Variants in ALOX5 observed in about 807,000 individuals in gnomAD.
ALOX5 encodes arachidonate 5-lipoxygenase.
Under a neutral mutation model 87.9 loss-of-function variants are expected in ALOX5, and 64 were observed. The observed-to-expected ratio is 0.73, with a 90% CI of 0.60 to 0.90. ALOX5 has a LOEUF of 0.90. Ranked by LOEUF, ALOX5 falls within the 40% of genes least tolerant of loss-of-function variation. The pLI, the probability that ALOX5 is intolerant of heterozygous loss-of-function variation, is 0.00. For missense variants in ALOX5, 822 were observed against 907.5 expected, an observed-to-expected ratio of 0.91 and a Z score of 1.21; for synonymous variants, 388 against 355.1, an observed-to-expected ratio of 1.09 and a Z score of -1.04.
intron 7 of ALOX5, among the ~76,000 whole-genome samples, chr10:45,433,234 T>C (rs1564444770): frequency 6.6e-6 from 1 of 152,156 alleles, no homozygotes; most frequent in African/African-American, 2.4e-5. Context: ...CTGGTGGGCC[T>C]GGGCAGCCCA....
At chr10:45,400,212 T>C (rs1242868636) in intron 3 of ALOX5, among the ~76,000 whole-genome samples, 1 of 152,210 alleles carries the variant, frequency 6.6e-6, no homozygotes, top group Non-Finnish European at 1.5e-5. Flanking sequence ...TTGTTCACAA[T>C]AGTCAAAAAG....
chr10:45,388,152 T>C (rs1222505652), intron 2 of ALOX5, among the ~76,000 whole-genome samples: 1 of 152,212 alleles, frequency 6.6e-6, no homozygotes, highest in Non-Finnish European at 1.5e-5. Context: ...CATGTCTGGC[T>C]CGGAGGGTCC....
At chr10:45,390,244 A>G (rs944586496) in intron 2 of ALOX5, among the ~76,000 whole-genome samples, 1 of 152,210 alleles carries the variant, frequency 6.6e-6, no homozygotes, top group Non-Finnish European at 1.5e-5. Context: ...TAATAATGAG[A>G]GACTTTAACA....
chr10:45,395,708 A>T, intron 2 of ALOX5, 147 bp from the exon 3 acceptor site: 1 of 636,942 alleles, frequency 1.6e-6, no homozygotes. Context: ...TTCATCATTA[A>T]TTGGGGAAGT....
intron 3 of ALOX5, among the ~76,000 whole-genome samples, chr10:45,400,556 G>A (rs896784188): frequency 3.3e-5 from 5 of 152,062 alleles, no homozygotes; most frequent in East Asian, 1.9e-4. Flanking sequence ...CCTAGATCCC[G>A]CCACTGCACT....
intron 3 of ALOX5, among the ~76,000 whole-genome samples, chr10:45,406,310 C>A (rs576105957): frequency 3.6e-4 from 55 of 152,162 alleles, no homozygotes; most frequent in Non-Finnish European, 6.8e-4. Context: ...TCTGTTTCCG[C>A]ACTTTATGTG....
chr10:45,388,473 G>A (rs1029717909), intron 2 of ALOX5, among the ~76,000 whole-genome samples: 3 of 152,200 alleles, frequency 2.0e-5, no homozygotes, highest in African/African-American at 7.2e-5. Context: ...ACATGGCCAG[G>A]TACACCTCTG....
chr10:45,382,742 T>C, intron 2 of ALOX5, 61 bp downstream of exon 2: 2 of 1,547,286 alleles, frequency 1.3e-6, no homozygotes, highest in Non-Finnish European at 1.8e-6. Context: ...CTTCCTGTCC[T>C]CAAAGCACTG....
chr10:45,376,442 C>T (rs1839617003), intron 1 of ALOX5, among the ~76,000 whole-genome samples: 1 of 152,174 alleles, frequency 6.6e-6, no homozygotes. Context: ...TGCAAAGTTA[C>T]TCAACACTTT....
chr10:45,441,672 C>G (rs1842240004), intron 9 of ALOX5: 1 of 494,392 alleles, frequency 2.0e-6, no homozygotes, highest in Non-Finnish European at 3.6e-6. Flanking sequence ...CTCCTCCCAC[C>G]CCTCCCCTCT....
rs1405098106 is a variant in ALOX5 at position 45,387,311 on chromosome 10, G to A, written c.349+4630G>A. Among the ~76,000 whole-genome samples the A allele has an allele frequency of 3.3e-5, 5 of 152,210 alleles. No homozygotes were observed. In the South Asian group the frequency reaches 8.3e-4, roughly 25 times the overall value. Reference sequence around the variant, plus strand: ...CGACAGGAAACCGGGTTGTGTCATCGTCACACATTTCTCCATGAAACAATG... The same window carrying A: ...CGACAGGAAACCGGGTTGTGTCATCATCACACATTTCTCCATGAAACAATG... On this transcript the variant is annotated intron_variant, in intron 2 of 13. Coordinates refer to ENST00000374391, the MANE Select transcript of ALOX5 (RefSeq NM_000698.5).
intron 7 of ALOX5, among the ~76,000 whole-genome samples, chr10:45,436,792 ATGT>A (rs774793295): frequency 3.3e-5 from 5 of 152,036 alleles, no homozygotes; most frequent in Admixed American, 1.3e-4. Flanking sequence ...GTGAAAAATG[ATGT>A]TGATAATTTG....
Position 45,435,980 on chromosome 10 carries a change from G to A in ALOX5, c.982-4450G>A, listed in dbSNP as rs117316662. Among the ~76,000 whole-genome samples the A allele has an allele frequency of 3.8e-3, 582 of 152,270 alleles. 12 individuals carry two copies. The East Asian group carries it at 0.053, about 14-fold the overall frequency. Reference sequence around the variant, plus strand: ...TTTTTAATAATAGCCATTCTGACTGGTATCCCTTTGTGGTTTTAATTTGCA... The same window carrying A: ...TTTTTAATAATAGCCATTCTGACTGATATCCCTTTGTGGTTTTAATTTGCA... On this transcript the variant is annotated intron_variant, in intron 7 of 13. Coordinates refer to ENST00000374391, the MANE Select transcript of ALOX5 (RefSeq NM_000698.5).
intron 1 of ALOX5, among the ~76,000 whole-genome samples, chr10:45,378,026 G>A (rs1233071383): frequency 6.6e-6 from 1 of 152,004 alleles, no homozygotes; most frequent in Non-Finnish European, 1.5e-5. Context: ...TCTGTCCCCA[G>A]AAACTGTGTC....
intron 1 of ALOX5, among the ~76,000 whole-genome samples, chr10:45,381,986 C>T (rs552938029): frequency 6.6e-6 from 1 of 152,350 alleles, no homozygotes; most frequent in Admixed American, 6.5e-5. Flanking sequence ...GATTCATGGG[C>T]GAAAGCCTAC....
At chr10:45,377,595 T>A (rs1839667104) in intron 1 of ALOX5, among the ~76,000 whole-genome samples, 1 of 151,810 alleles carries the variant, frequency 6.6e-6, no homozygotes, top group African/African-American at 2.4e-5. Flanking sequence ...TTTCCTCAGC[T>A]CTTCCCCATA....
At chr10:45,420,245 C>T (rs117272563) in intron 4 of ALOX5, among the ~76,000 whole-genome samples, 43 of 152,160 alleles carry the variant, frequency 2.8e-4, no homozygotes, top group Admixed American at 1.1e-3. Context: ...GGGATGTGTC[C>T]CATTGTAAAA....
intron 3 of ALOX5, among the ~76,000 whole-genome samples, chr10:45,408,726 G>T (rs1220961579): frequency 6.6e-6 from 1 of 152,114 alleles, no homozygotes; most frequent in East Asian, 1.9e-4. Flanking sequence ...ACTTTGGAAT[G>T]CCCTTGGCCA....
At chr10:45,429,038 C>T (rs568525956) in intron 7 of ALOX5, among the ~76,000 whole-genome samples, 1 of 152,246 alleles carries the variant, frequency 6.6e-6, no homozygotes, top group Admixed American at 6.5e-5. Context: ...ACCAAGGGCC[C>T]CCAGTCAAGG....
Sources: gnomAD v4.1 joint callset for allele counts (sites outside exome capture counted in the v4.1 genomes callset) on GRCh38, gnomAD v4.1.1 for gene constraint, MANE v1.5 for transcripts, NCBI Gene and HGNC (gene_info 2026-07-23, HGNC 2026-07-21) for gene names.